Variants in EMC2 observed in about 807,000 individuals in gnomAD.
EMC2 encodes the protein TPR repeat protein 35.
In EMC2, 37 loss-of-function variants were observed where a neutral mutation model predicts 51.6. That is an observed-to-expected ratio of 0.72 (90% CI 0.55 to 0.94). The LOEUF is 0.94. Among genes scored for constraint, EMC2 ranks in the 40% least tolerant of loss-of-function variants. EMC2 has a pLI of 0.00. For missense variants in EMC2, 359 were observed against 350.9 expected (o/e 1.02, Z -0.18); for synonymous variants, 131 against 112.4 (o/e 1.17, Z -1.04).
intron 5 of EMC2, among the ~76,000 whole-genome samples, chr8:108,467,789 A>G (rs1171947350): frequency 6.6e-6 from 1 of 152,190 alleles, no homozygotes; most frequent in African/African-American, 2.4e-5. Flanking sequence ...TTGGGACAAG[A>G]TATAAATATC....
intron 10 of EMC2, among the ~76,000 whole-genome samples, chr8:108,483,789 A>AT (rs2130420383): frequency 2.0e-5 from 3 of 152,294 alleles, no homozygotes; most frequent in African/African-American, 7.2e-5. Context: ...AACTGTATGA[A>AT]AACAAAAATA....
At chr8:108,457,413 C>T (rs1379323131) in intron 5 of EMC2, among the ~76,000 whole-genome samples, 1 of 149,938 alleles carries the variant, frequency 6.7e-6, no homozygotes. Context: ...ATGTATTAGT[C>T]CATTTTCATG....
At chr8:108,482,076 T>C (rs769763171) in intron 10 of EMC2, among the ~76,000 whole-genome samples, 3 of 152,192 alleles carry the variant, frequency 2.0e-5, no homozygotes, top group East Asian at 1.9e-4. Context: ...TATTTAACTT[T>C]AGTAGTTAAA....
intron 5 of EMC2, among the ~76,000 whole-genome samples, chr8:108,465,443 G>A (rs1819444088): frequency 6.6e-6 from 1 of 152,146 alleles, no homozygotes; most frequent in African/African-American, 2.4e-5. Flanking sequence ...TTTAACACAT[G>A]TCACTTAAAA....
intron 7 of EMC2, chr8:108,474,280 A>T (rs1810908731): frequency 6.6e-6 from 1 of 152,008 alleles, no homozygotes; most frequent in African/African-American, 2.4e-5. Context: ...CTTAGTCTCA[A>T]TATGAATTTT....
chr8:108,456,072 T>C (rs1396206351), intron 5 of EMC2, 142 bp downstream of exon 5: 1 of 247,230 alleles, frequency 4.0e-6, no homozygotes, highest in African/African-American at 2.3e-5. Context: ...TAATTTTAAA[T>C]AGTTCATGAT....
Position 108,450,457 on chromosome 8 carries a change from G to A in EMC2, c.184G>A (p.Ala62Thr). 1 of 1,603,124 alleles carries A rather than the reference G, an allele frequency of 6.2e-7. No individual in the cohort carries two copies. Residue 62 changes from alanine to threonine, a missense_variant, in exon 3 of 11, where the codon GCA becomes ACA. By Grantham distance (58) the Ala-to-Thr change is moderately conservative. Transcript: ENST00000220853. ...GATCATATATGAACAGGTGATGATT[G>A]CAGCACTAGACTATGGTCGGGATGA... ...IWIIYEQVMI[A>T]ALDYGRDDLA...
Position 108,443,684 on chromosome 8 carries a change from A to T in EMC2, c.26A>T (p.Asp9Val). The T allele has an allele frequency of 6.2e-7, 1 of 1,610,042 alleles. No homozygotes were observed. MAKVSELYDVTWEEMRDKM... is the reference protein window; with the variant it reads MAKVSELYVVTWEEMRDKM... ...ATGGCGAAGGTCTCAGAGCTTTACG[A>T]TGTCACTTGGGAAGGTAACTTCGGG... Residue 9 changes from aspartate (D) to valine (V), a missense_variant, in exon 1 of 11, where the codon GAT becomes GTT. Physicochemically the swap from Asp to Val is radical, Grantham distance 152. Transcript: ENST00000220853.
chr8:108,468,209 G>C (rs1307761332), intron 5 of EMC2, among the ~76,000 whole-genome samples: 2 of 152,106 alleles, frequency 1.3e-5, no homozygotes, highest in East Asian at 3.9e-4. Context: ...GGAGGACTAG[G>C]GACAATGCTC....
Position 108,476,842 on chromosome 8 carries a change from G to T in EMC2, c.652G>T (p.Ala218Ser). ...LELSRKYFAQ[A>S]LKLNNRNMRA... ...ACTTTCAAGAAAGTATTTTGCACAG[G>T]CATTGAAACTGAACAACAGAAATAT... is the stretch of plus-strand genomic sequence containing the variant. Residue 218 changes from alanine (A) to serine (S), a missense_variant, in exon 9 of 11, where the codon GCA becomes TCA. Ala to Ser is a moderately conservative substitution (Grantham distance 99). Transcript: ENST00000220853. The T allele has an allele frequency of 6.2e-7, 1 of 1,606,510 alleles. No individual in the cohort carries two copies. Among genetic ancestry groups the T allele is most frequent in the African/African-American group, 1.3e-5 (1 of 74,754 alleles).
rs749642246 is a variant in EMC2 at position 108,469,839 on chromosome 8, G to C, written c.377G>C (p.Arg126Pro). The part of the protein sequence containing the change: ...EDPTNTAARK[R>P]KIAIRKAQGK... ...GTCAACCCACAGGCTGCAAGAAAGC[G>C]TAAGATTGCCATTCGAAAAGCCCAG... is the stretch of plus-strand genomic sequence containing the variant. The change falls in exon 6 of 11, where the codon CGT becomes CCT. Residue 126 changes from arginine (R) to proline (P), a missense_variant. Physicochemically the swap from Arg to Pro is moderately radical, Grantham distance 103. Coordinates refer to ENST00000220853, the MANE Select transcript of EMC2 (RefSeq NM_014673.5). 4 of 1,613,170 alleles carry C rather than the reference G, an allele frequency of 2.5e-6. No homozygotes were observed. Among genetic ancestry groups the C allele is most frequent in the East Asian group, 2.2e-5 (1 of 44,862 alleles).
In EMC2 at chr8:108,486,697, C is replaced by T; in HGVS notation, c.*99C>T. 4.2e-6 allele frequency: 5 copies of T among 1,183,984 alleles called. No individual in the cohort carries two copies. The highest frequency in any genetic ancestry group is 5.7e-6 in the Non-Finnish European group (5 of 879,590). 73.3% of individuals were successfully genotyped at this position (1,183,984 alleles called of 1,614,324 possible). ...AATGCTCAGTGCTATTTATATACTACAGTAATTTTCTGTTAAGAAGGCAGT... is the reference window on the plus strand; with the variant it reads ...AATGCTCAGTGCTATTTATATACTATAGTAATTTTCTGTTAAGAAGGCAGT... On this transcript the variant is annotated 3_prime_UTR_variant, in exon 11 of 11. Transcript: ENST00000220853.
At chr8:108,464,052 AG>A (rs1415332244) in intron 5 of EMC2, 3 of 152,186 alleles carry the variant, frequency 2.0e-5, no homozygotes, top group Non-Finnish European at 4.4e-5. Flanking sequence ...CTCCTGTAGC[AG>A]GGGCCAGACT....
Position 108,476,852 on chromosome 8 carries a change from T to C in EMC2, c.662T>C (p.Leu221Pro), listed in dbSNP as rs761577621. 2 of 1,602,312 alleles carry C rather than the reference T, an allele frequency of 1.2e-6. No individual in the cohort carries two copies. The highest frequency in any genetic ancestry group is 1.7e-6 in the Non-Finnish European group (2 of 1,170,026). The change falls in exon 9 of 11, where the codon CTG becomes CCG. Residue 221 changes from leucine to proline, a missense_variant. Coordinates refer to ENST00000220853, the MANE Select transcript of EMC2 (RefSeq NM_014673.5). ...AAGTATTTTGCACAGGCATTGAAAC[T>C]GAACAACAGAAATATGAGAGCTTTG... ...SRKYFAQALK[L>P]NNRNMRALFG... is the part of the protein sequence containing the mutation.
chr8:108,466,442 A>ATTTTTTT (rs869102478), intron 5 of EMC2, among the ~76,000 whole-genome samples: 1 of 91,036 alleles, frequency 1.1e-5, no homozygotes, highest in African/African-American at 4.7e-5. Context: ...CTATGATAGA[A>ATTTTTTT]TTTTTTTTTT....
chr8:108,476,570 A>C (rs1009883725), intron 8 of EMC2, among the ~76,000 whole-genome samples: 1 of 151,904 alleles, frequency 6.6e-6, no homozygotes, highest in Non-Finnish European at 1.5e-5. Context: ...CAGTCATCTC[A>C]ATGTTCATAG....
chr8:108,482,694 C>T (rs1013520575), intron 10 of EMC2, among the ~76,000 whole-genome samples: 2 of 152,068 alleles, frequency 1.3e-5, no homozygotes, highest in Non-Finnish European at 2.9e-5. Flanking sequence ...AGTTATCCTC[C>T]TGCCTCAGCC....
At position 108,487,747 on chromosome 8, in the gene EMC2, A is replaced by G. The variant is rs1226069989; in HGVS notation, c.*1149A>G. ...CAATCTAGAAGTGTTTAGAAAGAAAAGTATTGTCAATATCAGCTTCTTTTA... is the reference window on the plus strand; with the variant it reads ...CAATCTAGAAGTGTTTAGAAAGAAAGGTATTGTCAATATCAGCTTCTTTTA... On this transcript the variant is annotated 3_prime_UTR_variant, in exon 11 of 11. Coordinates refer to ENST00000220853, the MANE Select transcript of EMC2 (RefSeq NM_014673.5). Among the ~76,000 whole-genome samples, 1 of 152,202 alleles carries G rather than the reference A, an allele frequency of 6.6e-6. No individual in the cohort carries two copies. Among genetic ancestry groups the G allele is most frequent in the African/African-American group, 2.4e-5 (1 of 41,462 alleles).
At position 108,456,348 on chromosome 8, in the gene EMC2, G is replaced by GA. The variant is rs1212130981; in HGVS notation, c.363+431dup. Among the ~76,000 whole-genome samples, 351 of 45,058 alleles carry GA rather than the reference G, an allele frequency of 7.8e-3. 2 individuals carry two copies. The highest frequency in any genetic ancestry group is 0.029 in the East Asian group (41 of 1,394). 29.6% of individuals were successfully genotyped at this position (45,058 alleles called of 152,430 possible). On this transcript the variant is annotated intron_variant, in intron 5 of 10. Transcript: ENST00000220853. ...ACTTCGTGTCAAAAAAAAAAAAAAA[G>GA]AAAAAAAAAAAAACAACTTCTAGAA... is the stretch of plus-strand genomic sequence containing the variant.
Sources: gnomAD v4.1 joint callset for allele counts (sites outside exome capture counted in the v4.1 genomes callset) on GRCh38, gnomAD v4.1.1 for gene constraint, MANE v1.5 for transcripts, NCBI Gene and HGNC (gene_info 2026-07-23, HGNC 2026-07-21) for gene names.